The following LOXHD1 variants were observed in gnomAD, a reference collection of about 807,000 sequenced individuals.
LOXHD1 encodes lipoxygenase homology PLAT domains 1.
Under a neutral mutation model 248.2 loss-of-function variants are expected in LOXHD1, and 205 were observed. The ratio of observed to expected loss-of-function variants is 0.83; its 90% CI spans 0.74 to 0.93. The LOEUF is 0.93. Ranked by LOEUF, LOXHD1 falls within the 40% of genes least tolerant of loss-of-function variation. LOXHD1 has a pLI of 0.00. For missense variants in LOXHD1, 2,930 were observed against 2,971.6 expected, an observed-to-expected ratio of 0.99 and a Z score of 0.33; for synonymous variants, 1,113 against 1,162.8, an observed-to-expected ratio of 0.96 and a Z score of 0.87.
intron 21 of LOXHD1, chr18:46,554,983 A>T (rs557007312): frequency 3.1e-6 from 1 of 323,492 alleles, no homozygotes; most frequent in South Asian, 2.8e-5. Flanking sequence ...GATTTGAAAA[A>T]GGCAAGAATA....
At chr18:46,580,730 C>T (rs1165125351) in intron 12 of LOXHD1, among the ~76,000 whole-genome samples, 1 of 152,096 alleles carries the variant, frequency 6.6e-6, no homozygotes, top group African/African-American at 2.4e-5. Flanking sequence ...AGTGGAGGGA[C>T]ATCTTGGAGT....
In LOXHD1 at chr18:46,542,730, T is replaced by C; in HGVS notation, c.3745A>G (p.Thr1249Ala). 1 of 1,551,682 alleles carries C rather than the reference T, an allele frequency of 6.4e-7. No homozygotes were observed. Among genetic ancestry groups the C allele is most frequent in the Non-Finnish European group, 8.7e-7 (1 of 1,146,998 alleles). Residue 1249 changes from threonine (T) to alanine (A), a missense_variant, in exon 24 of 41, where the codon ACA becomes GCA. Transcript: ENST00000642948. ...ACAGAGGGGAGGGAAGCCACACCTG[T>C]GTTGTCATGGCCAAGCCGGACTTTC... ...LWKVRLGHDN[T>A]GKAPGWFVDW... is the part of the protein sequence containing the mutation.
intron 27 of LOXHD1, 57 bp downstream of exon 27, chr18:46,534,278 G>A (rs2036207789): frequency 1.5e-6 from 2 of 1,322,982 alleles, no homozygotes; most frequent in Non-Finnish European, 2.1e-6. Flanking sequence ...AATTTGCCTT[G>A]AACCTGCTCT....
intron 33 of LOXHD1, chr18:46,519,085 A>T: frequency 1.0e-6 from 1 of 985,514 alleles, no homozygotes. Context: ...TCTGTGAGGC[A>T]GCCTCGTGGC....
At chr18:46,618,923 C>T (rs1028194647) in intron 4 of LOXHD1, among the ~76,000 whole-genome samples, 1 of 152,188 alleles carries the variant, frequency 6.6e-6, no homozygotes, top group Non-Finnish European at 1.5e-5. Flanking sequence ...TATCTTTGCT[C>T]CATTCATTGA....
chr18:46,539,270 G>A (rs113134919), intron 25 of LOXHD1, among the ~76,000 whole-genome samples: 21 of 152,282 alleles, frequency 1.4e-4, no homozygotes, highest in East Asian at 3.9e-4. Context: ...AGACCAGCCC[G>A]GCCAACATGG....
At chr18:46,582,570 G>A (rs1297242083) in intron 12 of LOXHD1, among the ~76,000 whole-genome samples, 1 of 152,020 alleles carries the variant, frequency 6.6e-6, no homozygotes, top group Non-Finnish European at 1.5e-5. Context: ...TAGCAAAATG[G>A]CAAATGTCAA....
At position 46,534,308 on chromosome 18, in the gene LOXHD1, A is replaced by G. The variant is rs773980327; in HGVS notation, c.4212+27T>C. 1.1e-5 allele frequency: 16 copies of G among 1,500,334 alleles called. No individual in the cohort carries two copies. In the African/African-American group the frequency reaches 2.2e-4, roughly 21 times the overall value. The allele number at this position is 1,500,334 out of a possible 1,614,324, so 92.9% of individuals were successfully genotyped here. On this transcript the variant is annotated intron_variant, in intron 27 of 40. Coordinates refer to ENST00000642948, the MANE Select transcript of LOXHD1 (RefSeq NM_001384474.1). ...TGCTCTGGAAAGGGACAAAAGAAAC[A>G]GCAGGACAGACCAGTCAACAACTCA...
In LOXHD1 at chr18:46,507,692, G is replaced by C; in HGVS notation, c.5538C>G (p.Asn1846Lys). Residue 1846 changes from asparagine (N) to lysine (K), a missense_variant, in exon 36 of 41, where the codon AAC becomes AAG. Asn to Lys is a moderately conservative substitution (Grantham distance 94). Coordinates refer to ENST00000642948, the MANE Select transcript of LOXHD1 (RefSeq NM_001384474.1). ...FLERILLKNM[N>K]TGDLTMFYYG... is the part of the protein sequence containing the mutation. ...AGTAGAACATGGTCAGGTCTCCAGT[G>C]TTCATGTTCTTCAGTAGGATCTGGG... 6.4e-7 allele frequency: 1 copy of C among 1,551,474 alleles called. No homozygotes were observed. The highest frequency in any genetic ancestry group is 1.2e-5 in the South Asian group (1 of 84,042).
intron 37 of LOXHD1, among the ~76,000 whole-genome samples, chr18:46,498,944 G>T (rs1347593464): frequency 6.6e-6 from 1 of 152,130 alleles, no homozygotes; most frequent in Non-Finnish European, 1.5e-5. Context: ...GTCACCTACA[G>T]GGGAGAAAGA....
chr18:46,585,111 T>C (rs1034218217), intron 12 of LOXHD1, among the ~76,000 whole-genome samples: 4 of 152,068 alleles, frequency 2.6e-5, no homozygotes, highest in African/African-American at 4.8e-5. Context: ...GCTAACATCA[T>C]AGTTAATCAT....
At chr18:46,499,792 A>G (rs1477317761) in intron 37 of LOXHD1, among the ~76,000 whole-genome samples, 1 of 152,200 alleles carries the variant, frequency 6.6e-6, no homozygotes, top group East Asian at 1.9e-4. Context: ...AGTGGCTTAA[A>G]TATTTGGCTG....
At chr18:46,572,978 G>A (rs1228564389) in intron 14 of LOXHD1, among the ~76,000 whole-genome samples, 2 of 132,500 alleles carry the variant, frequency 1.5e-5, no homozygotes, top group Non-Finnish European at 3.1e-5. Flanking sequence ...AGCAGAGATT[G>A]CGCCACTGCA....
At chr18:46,625,242 C>T (rs780319450) in intron 4 of LOXHD1, among the ~76,000 whole-genome samples, 5 of 152,298 alleles carry the variant, frequency 3.3e-5, no homozygotes, top group South Asian at 2.1e-4. Flanking sequence ...CCACAGCTCC[C>T]GGTGTGTGCG....
intron 15 of LOXHD1, among the ~76,000 whole-genome samples, chr18:46,570,846 G>A (rs894176638): frequency 2.6e-5 from 4 of 152,222 alleles, no homozygotes; most frequent in Non-Finnish European, 4.4e-5. Flanking sequence ...GCGGGCTGTG[G>A]GTTGGACAAG....
chr18:46,630,778 G>T (rs328192), intron 4 of LOXHD1, among the ~76,000 whole-genome samples: 45,843 of 151,746 alleles, frequency 0.3, 7,974 homozygotes, highest in East Asian at 0.44. Flanking sequence ...TATGGGGGGG[G>T]GTGTGAAATC....
chr18:46,585,282 ATG>A (rs766225841), intron 12 of LOXHD1, among the ~76,000 whole-genome samples: 9 of 152,166 alleles, frequency 5.9e-5, no homozygotes, highest in Non-Finnish European at 1.3e-4. Flanking sequence ...TGACATAACT[ATG>A]TATTTATAAA....
rs777548454 is a variant in LOXHD1 at position 46,560,117 on chromosome 18, CACG to C, written c.3024_3026del (p.Val1009del). Reference sequence around the variant, plus strand: ...CCGGCTTGCCAGCTGGCACCAACTCCACGACAAGTTCGTTGTCCTCCTTGCCCC... The same window carrying C: ...CCGGCTTGCCAGCTGGCACCAACTCCACAAGTTCGTTGTCCTCCTTGCCCC... On this transcript the variant is annotated inframe_deletion, in exon 19 of 41. Transcript: ENST00000642948. 20 of 1,550,474 alleles carry C rather than the reference CACG, an allele frequency of 1.3e-5. No homozygotes were observed. In the African/African-American group the frequency reaches 2.1e-4, roughly 16 times the overall value.
chr18:46,555,180 T>C (rs11665444), intron 21 of LOXHD1: 296,619 of 470,440 alleles, frequency 0.63, 96,328 homozygotes, highest in Non-Finnish European at 0.7. Context: ...CCCAGCCTCA[T>C]GGTTCTGTGG....
Sources: gnomAD v4.1 joint callset for allele counts (sites outside exome capture counted in the v4.1 genomes callset) on GRCh38, gnomAD v4.1.1 for gene constraint, MANE v1.5 for transcripts, NCBI Gene and HGNC (gene_info 2026-07-23, HGNC 2026-07-21) for gene names.